Variants in KPNA1 observed in about 807,000 individuals in gnomAD.
The protein encoded by KPNA1 is karyopherin subunit alpha 1, also known as importin subunit alpha-5.
In KPNA1, 10 loss-of-function variants were observed where a neutral mutation model predicts 70.5. That is an observed-to-expected ratio of 0.14 (90% confidence interval 0.09 to 0.24). KPNA1 has a LOEUF of 0.24. KPNA1 is among the 10% of genes least tolerant of loss of function. The pLI is 1.00. For synonymous variants in KPNA1, 192 were observed against 221.9 expected (o/e 0.87, Z 1.20); for missense variants, 397 against 637.9 (o/e 0.62, Z 4.07).
chr3:122,426,818 G>A lies in KPNA1; in HGVS notation c.*167C>T. 1.9e-6 allele frequency: 1 copy of A among 531,818 alleles called. No homozygotes were observed. Among genetic ancestry groups the A allele is most frequent in the Non-Finnish European group, 3.3e-6 (1 of 302,530 alleles). The allele number at this position is 531,818 out of a possible 1,614,324, so 32.9% of individuals were successfully genotyped here. ...GGTATTCCACCACAGAGAGCCGGAGGTTTTCCAGATGTGTGTAAGAGAGCA... is the reference window on the plus strand; with the variant it reads ...GGTATTCCACCACAGAGAGCCGGAGATTTTCCAGATGTGTGTAAGAGAGCA... On this transcript the variant is annotated 3_prime_UTR_variant, in exon 14 of 14. Transcript: ENST00000344337.
intron 12 of KPNA1, among the ~76,000 whole-genome samples, chr3:122,429,469 AGAATC>A (rs1476798195): frequency 6.7e-6 from 1 of 149,820 alleles, no homozygotes; most frequent in Non-Finnish European, 1.5e-5. Flanking sequence ...AAAAAAAAAA[AGAATC>A]TCATTTACAT....
chr3:122,504,808 G>A (rs2076871992), intron 1 of KPNA1, among the ~76,000 whole-genome samples: 1 of 152,134 alleles, frequency 6.6e-6, no homozygotes, highest in African/African-American at 2.4e-5. Flanking sequence ...GAGAGAGAGA[G>A]AGATTTTTTA....
chr3:122,492,622 T>C lies in KPNA1; in HGVS notation c.129+3815A>G, dbSNP rs973379146. Among the ~76,000 whole-genome samples the C allele has an allele frequency of 3.9e-5, 6 of 152,246 alleles. No individual in the cohort carries two copies. In the East Asian group the frequency reaches 1.2e-3, roughly 29 times the overall value. ...CATGTCTCAATTTGAATTAGCCACA[T>C]ATTAAATGCTCAATAGCTAACTGTA... On this transcript the variant is annotated intron_variant, in intron 2 of 13. Transcript: ENST00000344337.
At chr3:122,445,959 C>A (rs1164475730) in intron 9 of KPNA1, among the ~76,000 whole-genome samples, 1 of 152,178 alleles carries the variant, frequency 6.6e-6, no homozygotes, top group African/African-American at 2.4e-5. Context: ...ATCAATTCAA[C>A]AAGAAGAGCT....
At chr3:122,452,690 G>A (rs2076221223) in intron 6 of KPNA1, among the ~76,000 whole-genome samples, 1 of 142,132 alleles carries the variant, frequency 7.0e-6, no homozygotes, top group Admixed American at 6.9e-5. Context: ...AAGGAGGGAG[G>A]GAGGGAGAGA....
At chr3:122,493,728 T>C (rs2076726515) in intron 2 of KPNA1, among the ~76,000 whole-genome samples, 1 of 152,126 alleles carries the variant, frequency 6.6e-6, no homozygotes, top group South Asian at 2.1e-4. Flanking sequence ...GTGCCCTCCT[T>C]TACCCTATCA....
chr3:122,432,098 G>A (rs1277118911), intron 12 of KPNA1, among the ~76,000 whole-genome samples: 1 of 152,054 alleles, frequency 6.6e-6, no homozygotes, highest in Non-Finnish European at 1.5e-5. Flanking sequence ...CGCTGCACCC[G>A]GCCTGGCTTA....
intron 12 of KPNA1, among the ~76,000 whole-genome samples, chr3:122,430,566 T>G (rs1254118347): frequency 9.2e-6 from 1 of 109,088 alleles, no homozygotes; most frequent in Non-Finnish European, 2.0e-5. Context: ...AAACTGTGTG[T>G]GTGTGTGTGT....
chr3:122,463,992 G>C lies in KPNA1; in HGVS notation c.287C>G (p.Pro96Arg). Residue 96 changes from proline (P) to arginine (R), a missense_variant, in exon 4 of 14, where the codon CCA (proline) becomes CGA (arginine). Pro to Arg is a moderately radical substitution (Grantham distance 103). Transcript: ENST00000344337. ...DMIEMIFSKSPEQQLSATQKF... is the reference protein window; with the variant it reads ...DMIEMIFSKSREQQLSATQKF... ...CTGTGTTGCTGAAAGCTGTTGCTCTGGGCTTTTGGAAAATATCATTTCAAT... is the reference window on the plus strand; with the variant it reads ...CTGTGTTGCTGAAAGCTGTTGCTCTCGGCTTTTGGAAAATATCATTTCAAT... The C allele has an allele frequency of 6.2e-7, 1 of 1,607,166 alleles. No individual in the cohort carries two copies. Among genetic ancestry groups the C allele is most frequent in the African/African-American group, 1.3e-5 (1 of 74,840 alleles).
intron 1 of KPNA1, among the ~76,000 whole-genome samples, chr3:122,505,388 G>C (rs1197788653): frequency 1.3e-5 from 2 of 151,738 alleles, no homozygotes; most frequent in East Asian, 3.9e-4. Flanking sequence ...AGTTGAAAAT[G>C]AAGGCTGAAG....
intron 11 of KPNA1, among the ~76,000 whole-genome samples, chr3:122,436,281 C>A (rs1417423727): frequency 6.6e-6 from 1 of 151,956 alleles, no homozygotes; most frequent in Admixed American, 6.5e-5. Context: ...GATGACAATG[C>A]ATGCCTGAAA....
chr3:122,461,284 T>C lies in KPNA1; in HGVS notation c.372A>G (p.Thr124=), dbSNP rs1023038192. 1.2e-6 allele frequency: 2 copies of C among 1,613,568 alleles called. No homozygotes were observed. The highest frequency in any genetic ancestry group is 8.5e-7 in the Non-Finnish European group (1 of 1,179,604). ...CCACAAACCTGGCCACTACTCCTGG[T>C]GTGCTGATAACTTCATCAATAGGAG... ...PNPPIDEVIS[T]PGVVARFVEF... Residue 124 remains threonine, a synonymous_variant, in exon 5 of 14, where the codon ACA becomes ACG. Transcript: ENST00000344337.
intron 13 of KPNA1, 32 bp downstream of exon 13, chr3:122,427,506 G>T (rs1174745645): frequency 8.8e-6 from 14 of 1,586,450 alleles, no homozygotes; most frequent in Non-Finnish European, 1.2e-5. Context: ...ATTCATTCTT[G>T]GCCATAAACT....
chr3:122,447,535 A>G (rs1321226245), intron 9 of KPNA1, among the ~76,000 whole-genome samples: 1 of 152,172 alleles, frequency 6.6e-6, no homozygotes, highest in Non-Finnish European at 1.5e-5. Flanking sequence ...AAATAATAAG[A>G]GCTATTTATG....
chr3:122,428,148 G>GT (rs1486233883), intron 12 of KPNA1, among the ~76,000 whole-genome samples: 2 of 152,206 alleles, frequency 1.3e-5, no homozygotes, highest in Non-Finnish European at 2.9e-5. Flanking sequence ...TTTTAGTAAA[G>GT]TAAGTTGTGG....
At chr3:122,502,413 G>C (rs1401021794) in intron 1 of KPNA1, among the ~76,000 whole-genome samples, 1 of 151,892 alleles carries the variant, frequency 6.6e-6, no homozygotes, top group Non-Finnish European at 1.5e-5. Flanking sequence ...TGAGACACTA[G>C]AGACTTCTCT....
chr3:122,454,056 C>A, intron 5 of KPNA1, 55 bp from the exon 6 acceptor site: 1 of 1,256,036 alleles, frequency 8.0e-7, no homozygotes, highest in East Asian at 2.6e-5. Flanking sequence ...AGTTTGTTTA[C>A]TTATAACAGT....
chr3:122,503,705 T>C (rs1413216535), intron 1 of KPNA1, among the ~76,000 whole-genome samples: 1 of 152,216 alleles, frequency 6.6e-6, no homozygotes, highest in African/African-American at 2.4e-5. Context: ...TTTTTCTCTT[T>C]TGAACTATTA....
At chr3:122,511,492 T>C (rs1559774260) in intron 1 of KPNA1, among the ~76,000 whole-genome samples, 1 of 152,228 alleles carries the variant, frequency 6.6e-6, no homozygotes, top group Non-Finnish European at 1.5e-5. Flanking sequence ...TTTGTAGGTT[T>C]GTAACATCTT....
Sources: gnomAD v4.1 joint callset for allele counts (sites outside exome capture counted in the v4.1 genomes callset) on GRCh38, gnomAD v4.1.1 for gene constraint, MANE v1.5 for transcripts, NCBI Gene and HGNC (gene_info 2026-07-23, HGNC 2026-07-21) for gene names.